Variants in TNR observed in about 807,000 individuals in gnomAD.
TNR encodes tenascin-R.
In TNR, 45 loss-of-function variants were observed where a neutral mutation model predicts 150.4. That is an observed-to-expected ratio of 0.30 (90% CI 0.24 to 0.38). The LOEUF is 0.38. TNR is among the 10% of genes least tolerant of loss of function. The probability of loss-of-function intolerance (pLI) is 1.00; values close to 1 mark genes in which losing one functional copy is unlikely to be tolerated. For missense variants in TNR, 1,544 were observed against 1,759.1 expected (o/e 0.88, Z 2.19); for synonymous variants, 687 against 678.4 (o/e 1.01, Z -0.20).
At position 175,653,639 on chromosome 1, in the gene TNR, T is replaced by C. The variant is rs537253880; in HGVS notation, c.-165+89587A>G. On this transcript the variant is annotated intron_variant, in intron 1 of 22. Coordinates refer to ENST00000367674, the MANE Select transcript of TNR (RefSeq NM_003285.3). Reference sequence around the variant, plus strand: ...AAAGGATGTGATTAATTCAACTTTCTGTATCTTGAGTTTATAGGAAAGAAA... The same window carrying C: ...AAAGGATGTGATTAATTCAACTTTCCGTATCTTGAGTTTATAGGAAAGAAA... Among the ~76,000 whole-genome samples the C allele has an allele frequency of 2.0e-5, 3 of 152,328 alleles. No individual in the cohort carries two copies. In the South Asian group the frequency reaches 6.2e-4, roughly 32 times the overall value.
intron 1 of TNR, among the ~76,000 whole-genome samples, chr1:175,573,827 G>A (rs1661986376): frequency 6.6e-6 from 1 of 152,196 alleles, no homozygotes; most frequent in Non-Finnish European, 1.5e-5. Context: ...GGAGGCTGTG[G>A]AGGCAGCAAT....
intron 19 of TNR, 95 bp downstream of exon 19, chr1:175,337,433 C>T (rs1650302392): frequency 5.4e-6 from 8 of 1,470,374 alleles, no homozygotes; most frequent in Non-Finnish European, 7.5e-6. Flanking sequence ...AAAGGATGGC[C>T]AGGAGGATGG....
At chr1:175,500,719 CT>C (rs1056578133) in intron 2 of TNR, among the ~76,000 whole-genome samples, 1 of 152,160 alleles carries the variant, frequency 6.6e-6, no homozygotes, top group Non-Finnish European at 1.5e-5. Flanking sequence ...GCAGCATGCC[CT>C]AAAAAAGCCA....
At chr1:175,441,067 G>T (rs895775783) in intron 2 of TNR, among the ~76,000 whole-genome samples, 2 of 152,086 alleles carry the variant, frequency 1.3e-5, no homozygotes, top group Non-Finnish European at 2.9e-5. Flanking sequence ...TAAGAAGCCA[G>T]GTCATCAGCT....
At chr1:175,438,180 A>T (rs766530764) in intron 2 of TNR, among the ~76,000 whole-genome samples, 99 of 152,218 alleles carry the variant, frequency 6.5e-4, no homozygotes, top group Non-Finnish European at 1.1e-3. Context: ...CTTATCCACC[A>T]TAATCAAGTG....
At chr1:175,468,745 G>A (rs144532212) in intron 2 of TNR, among the ~76,000 whole-genome samples, 6 of 152,294 alleles carry the variant, frequency 3.9e-5, no homozygotes, top group Non-Finnish European at 7.4e-5. Flanking sequence ...TTAAAGACCC[G>A]CAGGTGCTTC....
chr1:175,708,018 T>TTGTGTG (rs10676470), intron 1 of TNR, among the ~76,000 whole-genome samples: 1,654 of 144,724 alleles, frequency 0.011, 27 homozygotes, highest in African/African-American at 0.037. Context: ...ATGTGTGTGT[T>TTGTGTG]TGTGTGTGTG....
chr1:175,598,540 C>T (rs1663095717), intron 1 of TNR, among the ~76,000 whole-genome samples: 1 of 152,216 alleles, frequency 6.6e-6, no homozygotes, highest in South Asian at 2.1e-4. Flanking sequence ...GGCATGAATA[C>T]ATGCTTATGG....
chr1:175,568,148 C>G (rs1661714187), intron 1 of TNR, among the ~76,000 whole-genome samples: 1 of 152,224 alleles, frequency 6.6e-6, no homozygotes, highest in South Asian at 2.1e-4. Flanking sequence ...AAGTCCCACT[C>G]AGGTCCAGCT....
intron 2 of TNR, among the ~76,000 whole-genome samples, chr1:175,514,051 G>T (rs859354): frequency 0.04 from 6,122 of 152,190 alleles, 443 homozygotes; most frequent in African/African-American, 0.14. Flanking sequence ...GAATAATGAC[G>T]CCTCAAAGAC....
intron 1 of TNR, among the ~76,000 whole-genome samples, chr1:175,559,036 T>A (rs1448198590): frequency 6.6e-6 from 1 of 152,206 alleles, no homozygotes; most frequent in Non-Finnish European, 1.5e-5. Flanking sequence ...ACATGGGAAG[T>A]GTCTGTACCT....
intron 2 of TNR, among the ~76,000 whole-genome samples, chr1:175,465,411 A>G (rs1656988949): frequency 6.6e-6 from 1 of 152,242 alleles, no homozygotes; most frequent in Non-Finnish European, 1.5e-5. Context: ...AGACTTGATG[A>G]CAAATGCTTA....
intron 9 of TNR, among the ~76,000 whole-genome samples, chr1:175,369,159 C>G (rs1396428802): frequency 6.6e-6 from 1 of 152,148 alleles, no homozygotes; most frequent in African/African-American, 2.4e-5. Flanking sequence ...TTTAGAGTCT[C>G]ATCACAACCT....
chr1:175,443,342 C>T (rs1655880379), intron 2 of TNR, among the ~76,000 whole-genome samples: 1 of 152,146 alleles, frequency 6.6e-6, no homozygotes. Context: ...GAATGTCACT[C>T]TTACCTTGCA....
intron 1 of TNR, among the ~76,000 whole-genome samples, chr1:175,586,195 G>A (rs1396548687): frequency 1.3e-5 from 2 of 152,176 alleles, no homozygotes; most frequent in African/African-American, 2.4e-5. Context: ...GTTGATTTCA[G>A]CCTGGGAAAG....
rs1648937026 is a variant in TNR, at chr1:175,319,519, A to T, written c.*3838T>A. ...ATGGTTCTTTAGGTCTGGCTTTGAA[A>T]TATCAGGGTGCTGGTTGGTTCTCAG... On this transcript the variant is annotated 3_prime_UTR_variant, in exon 23 of 23. Transcript: ENST00000367674. 1 of 152,392 alleles carries T rather than the reference A, an allele frequency of 6.6e-6. No individual in the cohort carries two copies. Among genetic ancestry groups the T allele is most frequent in the African/African-American group, 2.4e-5 (1 of 41,456 alleles). The allele number at this position is 152,392 out of a possible 1,614,324, so 9.4% of individuals were successfully genotyped here. A position where few individuals can be genotyped will look rare whatever the true frequency, so the allele number is the denominator to read the frequency against.
chr1:175,613,398 T>G (rs1663660349), intron 1 of TNR, among the ~76,000 whole-genome samples: 1 of 152,152 alleles, frequency 6.6e-6, no homozygotes, highest in Admixed American at 6.5e-5. Flanking sequence ...TGGGAGCATT[T>G]ACACCTTGGG....
At chr1:175,621,199 G>A (rs1247551934) in intron 1 of TNR, among the ~76,000 whole-genome samples, 1 of 152,184 alleles carries the variant, frequency 6.6e-6, no homozygotes, top group Non-Finnish European at 1.5e-5. Context: ...TGGGCATGAT[G>A]TACTGTAATA....
chr1:175,596,267 T>C (rs1245629304), intron 1 of TNR, among the ~76,000 whole-genome samples: 5 of 152,196 alleles, frequency 3.3e-5, no homozygotes, highest in African/African-American at 1.2e-4. Flanking sequence ...TTCTGCACGG[T>C]AAGAAGGAGC....
Sources: allele counts gnomAD v4.1 joint callset (sites outside exome capture counted in the v4.1 genomes callset), GRCh38; gene constraint gnomAD v4.1.1; transcripts MANE v1.5; gene names NCBI Gene and HGNC (gene_info 2026-07-23, HGNC 2026-07-21).